BTBD8: variants seen among roughly 807,000 people sequenced by gnomAD.
The protein encoded by BTBD8 is BTB domain containing 8, also known as BTB/POZ domain-containing protein 8.
BTBD8 carries 110 observed loss-of-function variants against 162.9 expected under a neutral mutation model. The observed-to-expected ratio is 0.68, with a 90% CI of 0.58 to 0.79. BTBD8 has a LOEUF of 0.79. BTBD8 is among the 30% of genes least tolerant of loss of function. The pLI is 0.00. For synonymous variants in BTBD8, 667 were observed against 716.1 expected (o/e 0.93, Z 1.10); for missense variants, 1,905 against 2,085.4 (o/e 0.91, Z 1.68).
chr1:92,138,650 C>T (rs1196239159), intron 5 of BTBD8, among the ~76,000 whole-genome samples: 1 of 152,190 alleles, frequency 6.6e-6, no homozygotes, highest in African/African-American at 2.4e-5. Flanking sequence ...AGTTGTTGTC[C>T]ACCAACCACA....
chr1:92,152,161 T>C (rs1650059624), intron 9 of BTBD8, among the ~76,000 whole-genome samples: 1 of 152,108 alleles, frequency 6.6e-6, no homozygotes, highest in African/African-American at 2.4e-5. Context: ...AAGTGCTCCA[T>C]GTGAGCAAAG....
chr1:92,133,258 T>A (rs143921130), intron 5 of BTBD8, among the ~76,000 whole-genome samples: 94 of 152,306 alleles, frequency 6.2e-4, no homozygotes, highest in South Asian at 2.7e-3. Flanking sequence ...TTTTATGACT[T>A]TGGGGACATT....
chr1:92,092,473 A>C (rs1648335862), intron 2 of BTBD8, among the ~76,000 whole-genome samples: 1 of 151,996 alleles, frequency 6.6e-6, no homozygotes, highest in African/African-American at 2.4e-5. Flanking sequence ...CCAAGGACAC[A>C]GTGAGGCGAT....
rs750957039 is a variant in BTBD8, at chr1:92,088,649, G to A, written c.150-49G>A. The A allele has an allele frequency of 5.7e-6, 8 of 1,393,836 alleles. No individual in the cohort carries two copies. In the Admixed American group the frequency reaches 9.9e-5, roughly 17 times the overall value. 86.3% of individuals were successfully genotyped at this position (1,393,836 alleles called of 1,614,324 possible). A position where few individuals can be genotyped will look rare whatever the true frequency, so the allele number is the denominator to read the frequency against. On this transcript the variant is annotated intron_variant, in intron 1 of 17. Coordinates refer to ENST00000636805, the MANE Select transcript of BTBD8 (RefSeq NM_001376131.1). ...ACCTACTTTATAAAAATATGTATAC[G>A]TTTTTTAGTATCACTAATTAAACTA...
chr1:92,086,099 A>G (rs190123340), intron 1 of BTBD8, among the ~76,000 whole-genome samples: 54 of 152,316 alleles, frequency 3.5e-4, no homozygotes, highest in African/African-American at 1.2e-3. Flanking sequence ...TATTTGAGAT[A>G]GTGGGAAACA....
chr1:92,108,038 G>A, intron 4 of BTBD8, 37 bp downstream of exon 4: 1 of 1,566,590 alleles, frequency 6.4e-7, no homozygotes, highest in East Asian at 2.2e-5. Flanking sequence ...CTTGGTTGTG[G>A]CTGTAGAGTG....
chr1:92,104,940 T>A (rs112205599), intron 3 of BTBD8, among the ~76,000 whole-genome samples: 2 of 149,892 alleles, frequency 1.3e-5, no homozygotes, highest in Admixed American at 6.6e-5. Flanking sequence ...TATTATTATT[T>A]TTTTTTTTTG....
intron 1 of BTBD8, among the ~76,000 whole-genome samples, chr1:92,081,844 G>C (rs1648026200): frequency 6.6e-6 from 1 of 152,208 alleles, no homozygotes; most frequent in Admixed American, 6.5e-5. Context: ...AAAATGCTGG[G>C]ATTACAGGCG....
At chr1:92,082,600 A>G (rs1648048154) in intron 1 of BTBD8, among the ~76,000 whole-genome samples, 1 of 152,224 alleles carries the variant, frequency 6.6e-6, no homozygotes, top group South Asian at 2.1e-4. Context: ...ATGGAAGCAC[A>G]GAAATTTGAA....
chr1:92,097,760 G>A (rs1648491777), intron 2 of BTBD8, among the ~76,000 whole-genome samples: 1 of 152,040 alleles, frequency 6.6e-6, no homozygotes, highest in Non-Finnish European at 1.5e-5. Context: ...GATAAATCAG[G>A]GGTCATAGGA....
intron 13 of BTBD8, among the ~76,000 whole-genome samples, chr1:92,172,344 A>C (rs188782377): frequency 3.3e-4 from 51 of 152,318 alleles, no homozygotes; most frequent in Middle Eastern, 3.4e-3. Flanking sequence ...TGTGCAACGA[A>C]GTGCATGCAG....
In BTBD8 at chr1:92,180,983, C is replaced by T; in HGVS notation, c.3300C>T (p.Asn1100=). ...ACATGGTTTCAAATCCAAATGAAAA[C>T]TCCTTGAACTCTAATCCAGTTTGTG... is the stretch of plus-strand genomic sequence containing the variant. ...LKYMVSNPNE[N]SLNSNPVCDL... is the part of the protein sequence containing the mutation. Residue 1100 remains asparagine, a synonymous_variant, in exon 17 of 18, where the codon AAC becomes AAT. Transcript: ENST00000636805. 2.6e-6 allele frequency: 4 copies of T among 1,551,738 alleles called. No individual in the cohort carries two copies. The highest frequency in any genetic ancestry group is 3.5e-6 in the Non-Finnish European group (4 of 1,147,014).
In BTBD8 at chr1:92,126,403, C is replaced by T; in HGVS notation, c.663-3284C>T. On this transcript the variant is annotated intron_variant, in intron 4 of 17. Transcript: ENST00000636805. ...CAGCCTAGATTTGAATGTGCTCTTG[C>T]CCAGGCTCAGACCTCCTCAAACGAA... 4.8e-6 allele frequency: 4 copies of T among 824,762 alleles called. No individual in the cohort carries two copies. The East Asian group carries it at 1.6e-4, about 34-fold the overall frequency. The allele number at this position is 824,762 out of a possible 1,614,324, so 51.1% of individuals were successfully genotyped here.
chr1:92,112,346 A>G lies in BTBD8; in HGVS notation c.662+4345A>G, dbSNP rs149750266. Among the ~76,000 whole-genome samples the G allele has an allele frequency of 1.6e-3, 244 of 152,256 alleles. 1 individual carries two copies. Among genetic ancestry groups the G allele is most frequent in the African/African-American group, 5.5e-3 (230 of 41,564 alleles). On this transcript the variant is annotated intron_variant, in intron 4 of 17. Transcript: ENST00000636805. ...TTGAGCCTAGGTGTTTGAGGTTGCA[A>G]TGAGCCAGTGAGTGCCATTGCATTC... is the stretch of plus-strand genomic sequence containing the variant.
At chr1:92,140,346 C>A (rs1169302881) in intron 6 of BTBD8, among the ~76,000 whole-genome samples, 2 of 152,120 alleles carry the variant, frequency 1.3e-5, no homozygotes, top group Non-Finnish European at 2.9e-5. Flanking sequence ...CCATCTAAGC[C>A]TCTGAAATCC....
rs149091560 is a variant in BTBD8 at position 92,164,285 on chromosome 1, A to G, written c.1123-2673A>G. 6.2e-3 allele frequency among the ~76,000 whole-genome samples: 943 copies of G among 152,076 alleles called. 10 individuals carry two copies. Among genetic ancestry groups the G allele is most frequent in the African/African-American group, 0.022 (904 of 41,482 alleles). ...GAGGATCAGTTGAAGCCAAGAGTTC[A>G]AGACCAGCCTGGATAACATGGCAAG... On this transcript the variant is annotated intron_variant, in intron 9 of 17. Coordinates refer to ENST00000636805, the MANE Select transcript of BTBD8 (RefSeq NM_001376131.1).
chr1:92,110,993 CTT>C (rs796699216), intron 4 of BTBD8, among the ~76,000 whole-genome samples: 2 of 143,118 alleles, frequency 1.4e-5, no homozygotes, highest in Non-Finnish European at 1.5e-5. Flanking sequence ...GCAGTCATTC[CTT>C]TTTTTTTTTT....
At chr1:92,088,614 G>A in intron 1 of BTBD8, 84 bp from the exon 2 acceptor site, 2 of 1,093,400 alleles carry the variant, frequency 1.8e-6, no homozygotes, top group Non-Finnish European at 2.5e-6. Flanking sequence ...TAGCTTATGT[G>A]TTATTTTAAA....
Position 92,177,904 on chromosome 1 carries a change from T to C in BTBD8, c.2441+6T>C. On this transcript the variant is annotated splice_donor_region_variant and intron_variant, in intron 15 of 17. Coordinates refer to ENST00000636805, the MANE Select transcript of BTBD8 (RefSeq NM_001376131.1). Reference sequence around the variant, plus strand: ...GACACTAATGTAAATAACAGGTAGGTCTTCATTCAGTGTTTTAACCTATCT... The same window carrying C: ...GACACTAATGTAAATAACAGGTAGGCCTTCATTCAGTGTTTTAACCTATCT... 4 of 1,427,708 alleles carry C rather than the reference T, an allele frequency of 2.8e-6. No individual in the cohort carries two copies. The highest frequency in any genetic ancestry group is 3.9e-6 in the Non-Finnish European group (4 of 1,035,802). The allele number at this position is 1,427,708 out of a possible 1,614,324, so 88.4% of individuals were successfully genotyped here.
Sources: allele counts gnomAD v4.1 joint callset (sites outside exome capture counted in the v4.1 genomes callset), GRCh38; gene constraint gnomAD v4.1.1; transcripts MANE v1.5; gene names NCBI Gene and HGNC (gene_info 2026-07-23, HGNC 2026-07-21).